TFB1M: variants seen among roughly 807,000 people sequenced by gnomAD.
TFB1M encodes dimethyladenosine transferase 1, mitochondrial.
TFB1M carries 27 observed loss-of-function variants against 31.1 expected under a neutral mutation model. The observed-to-expected ratio is 0.87, with a 90% CI of 0.64 to 1.20. TFB1M has a LOEUF of 1.20. TFB1M is among the 50% of genes most tolerant of loss of function. The pLI, the probability that TFB1M is intolerant of heterozygous loss-of-function variation, is 0.00. For missense variants in TFB1M, 394 were observed against 418.7 expected (o/e 0.94, Z 0.51); for synonymous variants, 166 against 151.8 (o/e 1.09, Z -0.69).
At chr6:155,297,835 G>A (rs1777244846) in intron 3 of TFB1M, among the ~76,000 whole-genome samples, 1 of 152,222 alleles carries the variant, frequency 6.6e-6, no homozygotes, top group Non-Finnish European at 1.5e-5. Context: ...CCTGAAGACT[G>A]CATGCTAAGA....
chr6:155,290,388 C>CAAAAAA (rs1189869721), intron 4 of TFB1M, among the ~76,000 whole-genome samples: 94 of 107,466 alleles, frequency 8.7e-4, no homozygotes, highest in East Asian at 1.4e-3. Context: ...GACTCGGCCT[C>CAAAAAA]AAAAAAAAAA....
At chr6:155,249,840 A>G in the TFB1M span, 2 of 1,596,120 alleles carry the variant, frequency 1.3e-6, no homozygotes, top group Admixed American at 1.7e-5. Context: ...ATATGATTTC[A>G]TATCTTGCAG....
chr6:155,307,909 G>GAA (rs59955607), intron 2 of TFB1M, among the ~76,000 whole-genome samples: 3,879 of 128,298 alleles, frequency 0.03, 64 homozygotes, highest in Non-Finnish European at 0.05. Context: ...AAAATAAACA[G>GAA]AAAAAAAAAA....
the TFB1M span, among the ~76,000 whole-genome samples, chr6:155,240,218 C>T: frequency 6.6e-6 from 1 of 152,246 alleles, no homozygotes; most frequent in Non-Finnish European, 1.5e-5. Flanking sequence ...AGAGCTACCT[C>T]ACCTTGACTG....
At position 155,256,358 on chromosome 6, in the gene TFB1M, T is replaced by A. The variant is rs1057487102; in HGVS notation, c.*1478A>T. On this transcript the variant is annotated 3_prime_UTR_variant, in exon 7 of 7. Coordinates refer to ENST00000367166, the MANE Select transcript of TFB1M (RefSeq NM_016020.4). The stretch of plus-strand genomic sequence containing the variant: ...CATTTTTGCCTAATTACCAGGATAG[T>A]TGCTAACTGAAGTCATATCATAAAA... The A allele has an allele frequency of 7.2e-7, 1 of 1,394,658 alleles. No homozygotes were observed. Among genetic ancestry groups the A allele is most frequent in the Admixed American group, 2.4e-5 (1 of 41,486 alleles). The allele number at this position is 1,394,658 out of a possible 1,614,324, so 86.4% of individuals were successfully genotyped here. A position where few individuals can be genotyped will look rare whatever the true frequency, so the allele number is the denominator to read the frequency against.
chr6:155,265,142 G>C, intron 5 of TFB1M, among the ~76,000 whole-genome samples: 1 of 152,206 alleles, frequency 6.6e-6, no homozygotes, highest in East Asian at 1.9e-4. Context: ...CTCCCGCTTG[G>C]GTTTGTGGAT....
chr6:155,308,722 T>C lies in TFB1M; in HGVS notation c.285+2466A>G, dbSNP rs185838491. Among the ~76,000 whole-genome samples, 4 of 152,340 alleles carry C rather than the reference T, an allele frequency of 2.6e-5. No homozygotes were observed. The East Asian group carries it at 7.7e-4, about 29-fold the overall frequency. On this transcript the variant is annotated intron_variant, in intron 2 of 6. Coordinates refer to ENST00000367166, the MANE Select transcript of TFB1M (RefSeq NM_016020.4). The stretch of plus-strand genomic sequence containing the variant: ...CCTAAACTGCCTCATGAAAATACTG[T>C]AGGAATTGAATTAAGCTACAAATGA...
intron 2 of TFB1M, among the ~76,000 whole-genome samples, chr6:155,304,246 C>A (rs1192133804): frequency 2.6e-5 from 4 of 152,132 alleles, no homozygotes; most frequent in Admixed American, 2.0e-4. Context: ...CACGCCACTG[C>A]ACTCCAGCCT....
At position 155,314,298 on chromosome 6, in the gene TFB1M, G is replaced by A; in HGVS notation, c.131C>T (p.Thr44Ile). 1.2e-6 allele frequency: 2 copies of A among 1,613,948 alleles called. No homozygotes were observed. The highest frequency in any genetic ancestry group is 2.2e-5 in the East Asian group (1 of 44,870). The part of the protein sequence containing the change: ...SQNFLLDLRL[T>I]DKIVRKAGNL... ...GGGAGCACTGCTAAGCCATCCACCT[G>A]TCAGCCTCAAGTCCAGGAGGAAATT... is the stretch of plus-strand genomic sequence containing the variant. Residue 44 changes from threonine (T) to isoleucine (I), a missense_variant and splice_region_variant, in exon 1 of 7, where the codon ACA (threonine) becomes ATA (isoleucine). Physicochemically the swap from Thr to Ile is moderately conservative, Grantham distance 89. Coordinates refer to ENST00000367166, the MANE Select transcript of TFB1M (RefSeq NM_016020.4).
chr6:155,298,222 A>G (rs1777264697), intron 3 of TFB1M, among the ~76,000 whole-genome samples: 1 of 152,248 alleles, frequency 6.6e-6, no homozygotes, highest in Non-Finnish European at 1.5e-5. Context: ...GTATCACAAA[A>G]AATGGTTAGT....
At chr6:155,244,859 TGAGA>T in the TFB1M span, 1 of 1,473,778 alleles carries the variant, frequency 6.8e-7, no homozygotes, top group South Asian at 1.4e-5. Context: ...AATTCTCTCA[TGAGA>T]AAGAATTTCT....
intron 4 of TFB1M, among the ~76,000 whole-genome samples, chr6:155,290,406 A>AAAAAAAG (rs1562411468): frequency 2.6e-5 from 3 of 114,944 alleles, no homozygotes; most frequent in African/African-American, 3.5e-5. Flanking sequence ...AAAAAAAAAA[A>AAAAAAAG]AAAAGAAAAG....
chr6:155,256,475 TCAC>T lies in TFB1M; in HGVS notation c.*1358_*1360del. ...TGTATCACAGCGAAATGTGTTTTTC[TCAC>T]TGTAGCTTCATCCAGGTCTTTAAAA... On this transcript the variant is annotated 3_prime_UTR_variant, in exon 7 of 7. Coordinates refer to ENST00000367166, the MANE Select transcript of TFB1M (RefSeq NM_016020.4). The T allele has an allele frequency of 1.2e-6, 2 of 1,614,138 alleles. No individual in the cohort carries two copies. The highest frequency in any genetic ancestry group is 2.2e-5 in the South Asian group (2 of 91,042).
At position 155,311,225 on chromosome 6, in the gene TFB1M, AC is replaced by A; in HGVS notation, c.247del (p.Val83TrpfsTer23). 6.2e-7 allele frequency: 1 copy of A among 1,614,118 alleles called. No individual in the cohort carries two copies. The highest frequency in any genetic ancestry group is 8.5e-7 in the Non-Finnish European group (1 of 1,179,992). ...ILNADVAELLVVEKDTRFIPG... is the reference protein window; with the variant it reads ...ILNADVAELLXVEKDTRFIPG... The stretch of plus-strand genomic sequence containing the variant: ...AATAAATCGAGTGTCCTTTTCAACC[AC>A]CAGAAGTTCAGCGACGTCGGCATTA... On this transcript the variant is annotated frameshift_variant, in exon 2 of 7. Coordinates refer to ENST00000367166, the MANE Select transcript of TFB1M (RefSeq NM_016020.4). LOFTEE classifies it high-confidence loss of function.
At chr6:155,292,477 G>T (rs1354688178) in intron 4 of TFB1M, among the ~76,000 whole-genome samples, 1 of 152,280 alleles carries the variant, frequency 6.6e-6, no homozygotes, top group East Asian at 1.9e-4. Flanking sequence ...AAGAGGCCTT[G>T]TAACATGCAG....
intron 5 of TFB1M, chr6:155,276,162 T>C: frequency 6.2e-7 from 1 of 1,614,204 alleles, no homozygotes; most frequent in South Asian, 1.1e-5. Flanking sequence ...GCAAACTTTC[T>C]GGATCTGACA....
At chr6:155,266,945 A>C (rs1779073501) in intron 5 of TFB1M, among the ~76,000 whole-genome samples, 1 of 150,520 alleles carries the variant, frequency 6.6e-6, no homozygotes, top group African/African-American at 2.4e-5. Context: ...GGAGAGGGGA[A>C]GAGAACTCTA....
intron 2 of TFB1M, among the ~76,000 whole-genome samples, chr6:155,303,999 G>A (rs945860721): frequency 2.6e-5 from 4 of 152,154 alleles, no homozygotes; most frequent in African/African-American, 9.7e-5. Context: ...AATGAAGTAT[G>A]GAAATAACCA....
At chr6:155,303,558 G>A (rs550314489) in intron 2 of TFB1M, 157 of 152,236 alleles carry the variant, frequency 1.0e-3, no homozygotes, top group African/African-American at 3.7e-3. Context: ...ATTAACTATG[G>A]TAACATCAAG....
Sources: allele counts gnomAD v4.1 joint callset (sites outside exome capture counted in the v4.1 genomes callset), GRCh38; gene constraint gnomAD v4.1.1; transcripts MANE v1.5; gene names NCBI Gene and HGNC (gene_info 2026-07-23, HGNC 2026-07-21).